Variants in FAM216A observed in about 807,000 individuals in gnomAD.
FAM216A encodes family with sequence similarity 216 member A.
In FAM216A, 26 loss-of-function variants were observed where a neutral mutation model predicts 37.6. That is an observed-to-expected ratio of 0.69 (90% CI 0.51 to 0.96). The LOEUF is 0.96. Among genes scored for constraint, FAM216A ranks in the 40% least tolerant of loss-of-function variants. The pLI is 0.00. For synonymous variants in FAM216A, 110 were observed against 121.7 expected (o/e 0.90, Z 0.64); for missense variants, 326 against 339.3 (o/e 0.96, Z 0.31).
At chr12:110,481,761 ATT>A (rs2062748166) in intron 2 of FAM216A, among the ~76,000 whole-genome samples, 1 of 152,148 alleles carries the variant, frequency 6.6e-6, no homozygotes. Context: ...TCTCAGAAAT[ATT>A]GTTTATTAAG....
chr12:110,478,691 G>C (rs1226857965), intron 2 of FAM216A, among the ~76,000 whole-genome samples: 1 of 152,116 alleles, frequency 6.6e-6, no homozygotes, highest in Admixed American at 6.6e-5. Context: ...ACAGGCTCCA[G>C]GCACCCCAGT....
intron 2 of FAM216A, among the ~76,000 whole-genome samples, chr12:110,480,754 C>T (rs923814632): frequency 6.6e-6 from 1 of 151,968 alleles, no homozygotes; most frequent in African/African-American, 2.4e-5. Flanking sequence ...CACTAACTCT[C>T]AGGTGGGTGC....
chr12:110,486,498 G>A lies in FAM216A; in HGVS notation c.437-36G>A, dbSNP rs761010070. The A allele has an allele frequency of 8.1e-6, 13 of 1,607,914 alleles. No homozygotes were observed. The Admixed American group carries it at 1.7e-4, about 21-fold the overall frequency. Reference sequence around the variant, plus strand: ...GTCTTTTCACTAGTTTTTACAATTAGTGAGAGGGTCTTTTAACAGGTGATT... The same window carrying A: ...GTCTTTTCACTAGTTTTTACAATTAATGAGAGGGTCTTTTAACAGGTGATT... On this transcript the variant is annotated intron_variant, in intron 4 of 6. Coordinates refer to ENST00000377673, the MANE Select transcript of FAM216A (RefSeq NM_013300.3).
chr12:110,468,944 G>T lies in FAM216A; in HGVS notation c.69G>T (p.Pro23=). The T allele has an allele frequency of 6.6e-7, 1 of 1,524,824 alleles. No individual in the cohort carries two copies. The highest frequency in any genetic ancestry group is 8.8e-7 in the Non-Finnish European group (1 of 1,139,494). 94.5% of individuals were successfully genotyped at this position (1,524,824 alleles called of 1,614,324 possible). The change falls in exon 1 of 7, where the codon CCG becomes CCT. Residue 23 remains proline, a synonymous_variant. Transcript: ENST00000377673. ...CCGCGGAGATGCCCGGCCAGGGTCC[G>T]GGGTCCGACTGGACGGAGCGTAGCT... ...LGAAEMPGQG[P]GSDWTERSSS...
intron 6 of FAM216A, among the ~76,000 whole-genome samples, chr12:110,488,881 G>T (rs1425565785): frequency 1.3e-5 from 2 of 152,132 alleles, no homozygotes; most frequent in Non-Finnish European, 2.9e-5. Context: ...TGTGAATGTG[G>T]TCTCTCTCAA....
At chr12:110,488,504 A>G (rs887834530) in intron 6 of FAM216A, among the ~76,000 whole-genome samples, 1 of 152,216 alleles carries the variant, frequency 6.6e-6, no homozygotes, top group African/African-American at 2.4e-5. Context: ...GATACTTACA[A>G]TATCAAGGTC....
intron 2 of FAM216A, among the ~76,000 whole-genome samples, chr12:110,477,578 T>G (rs185876702): frequency 6.6e-6 from 1 of 151,978 alleles, no homozygotes; most frequent in East Asian, 1.9e-4. Context: ...GGATGGTGTC[T>G]ATCTCCTGAC....
chr12:110,478,806 G>T (rs902847261), intron 2 of FAM216A, among the ~76,000 whole-genome samples: 1 of 152,158 alleles, frequency 6.6e-6, no homozygotes, highest in Non-Finnish European at 1.5e-5. Flanking sequence ...AGAACTATGA[G>T]TCAATACGTG....
chr12:110,484,699 A>T (rs1375085644), intron 2 of FAM216A, among the ~76,000 whole-genome samples: 1 of 151,838 alleles, frequency 6.6e-6, no homozygotes, highest in Admixed American at 6.6e-5. Flanking sequence ...TTTAAGTCTG[A>T]GTGAAAATAT....
intron 5 of FAM216A, 93 bp downstream of exon 5, chr12:110,486,810 G>A (rs1273545159): frequency 8.8e-7 from 1 of 1,133,918 alleles, no homozygotes; most frequent in Non-Finnish European, 1.3e-6. Flanking sequence ...AGGCTGGAGT[G>A]TAGTGGTGTG....
At chr12:110,478,379 A>G (rs1283804842) in intron 2 of FAM216A, among the ~76,000 whole-genome samples, 1 of 152,196 alleles carries the variant, frequency 6.6e-6, no homozygotes, top group Non-Finnish European at 1.5e-5. Context: ...TCACACTCTA[A>G]TCTCTCTAAC....
At chr12:110,483,733 G>A (rs1438428996) in intron 2 of FAM216A, among the ~76,000 whole-genome samples, 4 of 152,102 alleles carry the variant, frequency 2.6e-5, no homozygotes, top group Non-Finnish European at 4.4e-5. Flanking sequence ...CAGGAGAATC[G>A]CTTGAACCTG....
chr12:110,469,916 C>T (rs1013173792), intron 1 of FAM216A, among the ~76,000 whole-genome samples: 1 of 152,078 alleles, frequency 6.6e-6, no homozygotes, highest in Non-Finnish European at 1.5e-5. Flanking sequence ...AAATCTATTT[C>T]GTTTTGAGCA....
intron 2 of FAM216A, among the ~76,000 whole-genome samples, chr12:110,480,804 G>C (rs2135549627): frequency 6.6e-6 from 1 of 152,134 alleles, no homozygotes; most frequent in Middle Eastern, 3.4e-3. Context: ...TGGGAGGCTA[G>C]GGCTGGAGGA....
At position 110,479,179 on chromosome 12, in the gene FAM216A, T is replaced by A. The variant is rs199954425; in HGVS notation, c.185-5899T>A. 1.3e-3 allele frequency among the ~76,000 whole-genome samples: 200 copies of A among 149,702 alleles called. 4 individuals carry two copies. In the East Asian group the frequency reaches 0.037, roughly 27 times the overall value. On this transcript the variant is annotated intron_variant, in intron 2 of 6. Transcript: ENST00000377673. ...ACTCTGTCTCAAAAAAAAAAAAAAA[T>A]TATATATTTAAAGTAGAGAAGAGTA...
intron 2 of FAM216A, among the ~76,000 whole-genome samples, chr12:110,483,312 C>T (rs1208540558): frequency 7.3e-6 from 1 of 137,858 alleles, no homozygotes; most frequent in South Asian, 2.2e-4. Flanking sequence ...GCCTGGGCGA[C>T]AGAGCGAGAC....
At chr12:110,484,199 C>G (rs370767826) in intron 2 of FAM216A, among the ~76,000 whole-genome samples, 1 of 151,954 alleles carries the variant, frequency 6.6e-6, no homozygotes, top group East Asian at 1.9e-4. Flanking sequence ...GAGGCTGAGG[C>G]GGAGGATCAT....
chr12:110,488,204 G>C (rs1235906254), intron 6 of FAM216A, among the ~76,000 whole-genome samples: 1 of 152,118 alleles, frequency 6.6e-6, no homozygotes, highest in Non-Finnish European at 1.5e-5. Context: ...GAGGTCAAGA[G>C]TTCGAGACCC....
At chr12:110,469,306 AG>A in intron 1 of FAM216A, 1 of 353,716 alleles carries the variant, frequency 2.8e-6, no homozygotes, top group Non-Finnish European at 5.1e-6. Context: ...CTCTGCCCCG[AG>A]GGGGCGCTGC....
Sources: gnomAD v4.1 joint callset for allele counts (sites outside exome capture counted in the v4.1 genomes callset) on GRCh38, gnomAD v4.1.1 for gene constraint, MANE v1.5 for transcripts, NCBI Gene and HGNC (gene_info 2026-07-23, HGNC 2026-07-21) for gene names.